The following FAM110B variants were observed in gnomAD, a reference collection of about 807,000 sequenced individuals.
The protein encoded by FAM110B is protein FAM110B.
FAM110B carries 6 observed loss-of-function variants against 20.4 expected under a neutral mutation model. That is an observed-to-expected ratio of 0.29 (90% CI 0.16 to 0.58). FAM110B has a LOEUF of 0.58. FAM110B is among the 20% of genes least tolerant of loss of function. FAM110B has a pLI of 0.90. For missense variants in FAM110B, 434 were observed against 498.2 expected, an observed-to-expected ratio of 0.87 and a Z score of 1.23; for synonymous variants, 226 against 214.1, an observed-to-expected ratio of 1.06 and a Z score of -0.49.
At chr8:58,086,446 C>G (rs903903885) in intron 3 of FAM110B, among the ~76,000 whole-genome samples, 1 of 152,078 alleles carries the variant, frequency 6.6e-6, no homozygotes, top group South Asian at 2.1e-4. Flanking sequence ...TAATTTTAAA[C>G]TCCACTATGT....
At chr8:58,109,307 C>G (rs1806996860) in intron 3 of FAM110B, among the ~76,000 whole-genome samples, 1 of 152,004 alleles carries the variant, frequency 6.6e-6, no homozygotes, top group Admixed American at 6.6e-5. Context: ...ACAGAAGCCT[C>G]AAGAAAGATG....
At chr8:58,039,850 C>G (rs1805172125) in intron 2 of FAM110B, among the ~76,000 whole-genome samples, 1 of 152,172 alleles carries the variant, frequency 6.6e-6, no homozygotes, top group Non-Finnish European at 1.5e-5. Flanking sequence ...ACCTTGAACT[C>G]CTGGGTGCCA....
chr8:58,007,763 G>A (rs1379818452), intron 1 of FAM110B, among the ~76,000 whole-genome samples: 1 of 152,104 alleles, frequency 6.6e-6, no homozygotes, highest in Admixed American at 6.5e-5. Context: ...CAACCTCCAG[G>A]ACTGTGAGAA....
At chr8:58,094,575 G>A (rs542502247) in intron 3 of FAM110B, among the ~76,000 whole-genome samples, 53 of 152,140 alleles carry the variant, frequency 3.5e-4, no homozygotes, top group Non-Finnish European at 6.9e-4. Flanking sequence ...ATGTTGAACC[G>A]GCCTTGCATC....
chr8:58,006,706 G>C, intron 1 of FAM110B, among the ~76,000 whole-genome samples: 1 of 150,658 alleles, frequency 6.6e-6, no homozygotes, highest in East Asian at 2.0e-4. Context: ...AGGTTCAAGC[G>C]ATTATCCTGC....
intron 3 of FAM110B, among the ~76,000 whole-genome samples, chr8:58,079,674 G>A (rs1260073507): frequency 2.6e-5 from 4 of 152,050 alleles, no homozygotes; most frequent in Admixed American, 6.6e-5. Context: ...CCAGCTGCAC[G>A]GGAGGCTGAG....
chr8:58,050,343 A>C (rs116956203), intron 2 of FAM110B, among the ~76,000 whole-genome samples: 1,887 of 152,306 alleles, frequency 0.012, 18 homozygotes, highest in South Asian at 0.061. Flanking sequence ...TTATTGCTGC[A>C]TAACAGATTT....
chr8:58,089,359 A>T (rs1219484279), intron 3 of FAM110B, among the ~76,000 whole-genome samples: 1 of 152,212 alleles, frequency 6.6e-6, no homozygotes, highest in African/African-American at 2.4e-5. Context: ...AAATGGTGTC[A>T]GATTCACTCT....
chr8:58,039,722 G>A (rs913451901), intron 2 of FAM110B, among the ~76,000 whole-genome samples: 1 of 152,042 alleles, frequency 6.6e-6, no homozygotes, highest in African/African-American at 2.4e-5. Flanking sequence ...TCCCCCTCTG[G>A]AGGTCACTTC....
chr8:58,079,735 C>T (rs1806142240), intron 3 of FAM110B, among the ~76,000 whole-genome samples: 1 of 151,922 alleles, frequency 6.6e-6, no homozygotes, highest in African/African-American at 2.4e-5. Flanking sequence ...GAGCTACGAT[C>T]ATGCCACTGC....
intron 2 of FAM110B, among the ~76,000 whole-genome samples, chr8:58,033,742 A>G (rs1805018645): frequency 6.6e-6 from 1 of 152,158 alleles, no homozygotes; most frequent in African/African-American, 2.4e-5. Context: ...CAGAATGGCT[A>G]TTATTAAAAA....
intron 2 of FAM110B, among the ~76,000 whole-genome samples, chr8:58,059,781 TTGA>T (rs1805619368): frequency 1.3e-5 from 2 of 152,114 alleles, no homozygotes; most frequent in Admixed American, 6.5e-5. Flanking sequence ...TTCAAAACAG[TTGA>T]TGTTTTTGCA....
rs536446809 is a variant in FAM110B, at chr8:57,998,988, C to A, written c.-512+4182C>A. 2.0e-5 allele frequency among the ~76,000 whole-genome samples: 3 copies of A among 152,072 alleles called. No individual in the cohort carries two copies. The South Asian group carries it at 6.2e-4, about 31-fold the overall frequency. On this transcript the variant is annotated intron_variant, in intron 1 of 3. Coordinates refer to ENST00000519262, the MANE Select transcript of FAM110B (RefSeq NM_001377989.1). Reference sequence around the variant, plus strand: ...TTTACGTTTTTCACATTTTACAGTTCGTCTCATAAGGAAACTCCCATAAGA... The same window carrying A: ...TTTACGTTTTTCACATTTTACAGTTAGTCTCATAAGGAAACTCCCATAAGA...
At chr8:58,107,243 G>T (rs1806942906) in intron 3 of FAM110B, among the ~76,000 whole-genome samples, 1 of 152,124 alleles carries the variant, frequency 6.6e-6, no homozygotes, top group Non-Finnish European at 1.5e-5. Flanking sequence ...TCTAATATTT[G>T]CTACTTTTAA....
intron 2 of FAM110B, among the ~76,000 whole-genome samples, chr8:58,052,251 T>C (rs1429086265): frequency 6.6e-6 from 1 of 152,194 alleles, no homozygotes; most frequent in African/African-American, 2.4e-5. Flanking sequence ...AAAATAGAAC[T>C]ATATAGCTTT....
At chr8:58,117,278 G>T (rs1807237556) in intron 3 of FAM110B, among the ~76,000 whole-genome samples, 1 of 152,144 alleles carries the variant, frequency 6.6e-6, no homozygotes, top group Non-Finnish European at 1.5e-5. Flanking sequence ...GCTGGACACA[G>T]ATACTTTATT....
chr8:58,147,476 C>A lies in FAM110B; in HGVS notation c.*133C>A, dbSNP rs113029886. 1.2e-4 allele frequency: 140 copies of A among 1,139,922 alleles called. No homozygotes were observed. In the African/African-American group the frequency reaches 1.8e-3, roughly 15 times the overall value. The allele number at this position is 1,139,922 out of a possible 1,614,324, so 70.6% of individuals were successfully genotyped here. A position where few individuals can be genotyped will look rare whatever the true frequency, so the allele number is the denominator to read the frequency against. Reference sequence around the variant, plus strand: ...TTGTGCAATGTTTTCAAGTTGCATGCTTGTCAACATGGGGACTGACCTGGC... The same window carrying A: ...TTGTGCAATGTTTTCAAGTTGCATGATTGTCAACATGGGGACTGACCTGGC... On this transcript the variant is annotated 3_prime_UTR_variant, in exon 4 of 4. Coordinates refer to ENST00000519262, the MANE Select transcript of FAM110B (RefSeq NM_001377989.1).
intron 2 of FAM110B, among the ~76,000 whole-genome samples, chr8:58,069,663 A>G (rs2150589610): frequency 6.6e-6 from 1 of 152,342 alleles, no homozygotes; most frequent in African/African-American, 2.4e-5. Context: ...TCCACTATAG[A>G]TAGAAATTTG....
Position 58,017,488 on chromosome 8 carries a change from AT to A in FAM110B, c.-511-14116del, listed in dbSNP as rs1264450197. Among the ~76,000 whole-genome samples, 13 of 152,286 alleles carry A rather than the reference AT, an allele frequency of 8.5e-5. No individual in the cohort carries two copies. In the South Asian group the frequency reaches 2.5e-3, roughly 29 times the overall value. ...GGAAGGGCCTCAGGTACTCTTTACT[AT>A]TGGTGAAGTGGAGAGCTTAGCTTTG... On this transcript the variant is annotated intron_variant, in intron 1 of 3. Coordinates refer to ENST00000519262, the MANE Select transcript of FAM110B (RefSeq NM_001377989.1).
Sources: gnomAD v4.1 joint callset for allele counts (sites outside exome capture counted in the v4.1 genomes callset) on GRCh38, gnomAD v4.1.1 for gene constraint, MANE v1.5 for transcripts, NCBI Gene and HGNC (gene_info 2026-07-23, HGNC 2026-07-21) for gene names.